Variants in FRMD4A observed in about 807,000 individuals in gnomAD.
FRMD4A encodes the protein FERM domain containing 4A.
Under a neutral mutation model 129.1 loss-of-function variants are expected in FRMD4A, and 29 were observed. The observed-to-expected ratio is 0.22, with a 90% CI of 0.17 to 0.31. FRMD4A has a LOEUF of 0.31. Ranked by LOEUF, FRMD4A falls within the 10% of genes least tolerant of loss-of-function variation. The probability of loss-of-function intolerance (pLI) is 1.00; values close to 1 mark genes in which losing one functional copy is unlikely to be tolerated. For missense variants in FRMD4A, 1,272 were observed against 1,375.8 expected, an observed-to-expected ratio of 0.92 and a Z score of 1.19; for synonymous variants, 634 against 571.6, an observed-to-expected ratio of 1.11 and a Z score of -1.56.
chr10:13,704,337 G>A (rs1000200165), intron 13 of FRMD4A, among the ~76,000 whole-genome samples: 1 of 152,118 alleles, frequency 6.6e-6, no homozygotes, highest in Non-Finnish European at 1.5e-5. Context: ...ATTCCTGCCT[G>A]TCTGCAGGCT....
intron 2 of FRMD4A, among the ~76,000 whole-genome samples, chr10:14,086,056 C>G (rs1241580791): frequency 6.6e-6 from 1 of 152,096 alleles, no homozygotes; most frequent in Non-Finnish European, 1.5e-5. Flanking sequence ...TACTTCCACC[C>G]TAGATATGTA....
intron 2 of FRMD4A, among the ~76,000 whole-genome samples, chr10:13,920,547 C>A (rs151208220): frequency 6.6e-6 from 1 of 152,184 alleles, no homozygotes; most frequent in Non-Finnish European, 1.5e-5. Flanking sequence ...CAAATTTGGG[C>A]ATTGTGTTTT....
At chr10:13,699,767 C>G (rs895603711) in intron 14 of FRMD4A, among the ~76,000 whole-genome samples, 4 of 152,108 alleles carry the variant, frequency 2.6e-5, no homozygotes, top group Non-Finnish European at 5.9e-5. Context: ...AACTGTTGCC[C>G]CTGGACAGCA....
chr10:13,983,297 C>T (rs2095568763), intron 2 of FRMD4A, among the ~76,000 whole-genome samples: 1 of 152,142 alleles, frequency 6.6e-6, no homozygotes, highest in Non-Finnish European at 1.5e-5. Context: ...AAGCAAAGTT[C>T]ATCCTCCCCT....
At chr10:13,979,051 C>A (rs1031864903) in intron 2 of FRMD4A, among the ~76,000 whole-genome samples, 2 of 152,200 alleles carry the variant, frequency 1.3e-5, no homozygotes, top group Non-Finnish European at 2.9e-5. Flanking sequence ...TTAAATCAGT[C>A]CAGGCCATGA....
intron 2 of FRMD4A, among the ~76,000 whole-genome samples, chr10:14,307,319 G>C (rs1846386344): frequency 6.6e-6 from 1 of 152,174 alleles, no homozygotes; most frequent in South Asian, 2.1e-4. Flanking sequence ...GCCAATCAGG[G>C]AGAATGTCCA....
At chr10:14,286,499 G>T (rs1845685343) in intron 2 of FRMD4A, among the ~76,000 whole-genome samples, 1 of 152,032 alleles carries the variant, frequency 6.6e-6, no homozygotes, top group Non-Finnish European at 1.5e-5. Context: ...AATGTGCCAG[G>T]AAAATCAAAA....
intron 2 of FRMD4A, among the ~76,000 whole-genome samples, chr10:13,907,025 C>T (rs2094889423): frequency 6.6e-6 from 1 of 152,162 alleles, no homozygotes; most frequent in South Asian, 2.1e-4. Flanking sequence ...CATAGGTCAA[C>T]TTCTGGTTCC....
At chr10:13,648,537 G>A (rs543268075) in intron 24 of FRMD4A, 2 of 152,290 alleles carry the variant, frequency 1.3e-5, no homozygotes, top group Admixed American at 1.3e-4. Flanking sequence ...GCCAATGAGA[G>A]TCCCCCGATC....
At position 13,925,566 on chromosome 10, in the gene FRMD4A, C is replaced by CTTTTTTTTTTTTTTTTTTTTTT. The variant is rs66980805; in HGVS notation, c.46-66676_46-66655dup. On this transcript the variant is annotated intron_variant, in intron 2 of 24. Coordinates refer to ENST00000357447, the MANE Select transcript of FRMD4A (RefSeq NM_018027.5). ...TGAAAGTTTCTATTGTAGTGAAACG[C>CTTTTTTTTTTTTTTTTTTTTTT]TTTTTTTTTTTTTTTTTTTTTTTTT... Among the ~76,000 whole-genome samples, 14 of 61,948 alleles carry CTTTTTTTTTTTTTTTTTTTTTT rather than the reference C, an allele frequency of 2.3e-4. 4 individuals are homozygous for CTTTTTTTTTTTTTTTTTTTTTT. Among genetic ancestry groups the CTTTTTTTTTTTTTTTTTTTTTT allele is most frequent in the Non-Finnish European group, 2.9e-4 (11 of 37,614 alleles). 40.6% of individuals were successfully genotyped at this position (61,948 alleles called of 152,430 possible).
chr10:13,671,002 A>C (rs759544352), intron 16 of FRMD4A, among the ~76,000 whole-genome samples: 40 of 152,330 alleles, frequency 2.6e-4, no homozygotes, highest in Middle Eastern at 3.4e-3. Context: ...AGTTTCCTTC[A>C]AATGGATTTT....
intron 3 of FRMD4A, among the ~76,000 whole-genome samples, chr10:13,844,262 T>A (rs955326933): frequency 3.3e-5 from 5 of 152,170 alleles, no homozygotes; most frequent in Non-Finnish European, 7.3e-5. Context: ...GGTTTATATG[T>A]TAAACCAATG....
chr10:13,886,202 A>G (rs1334725841), intron 2 of FRMD4A, among the ~76,000 whole-genome samples: 1 of 147,510 alleles, frequency 6.8e-6, no homozygotes, highest in African/African-American at 2.5e-5. Context: ...TGCATTATCA[A>G]TCTAATTCCC....
chr10:13,822,062 T>C (rs934200307), intron 3 of FRMD4A, among the ~76,000 whole-genome samples: 5 of 152,128 alleles, frequency 3.3e-5, no homozygotes, highest in East Asian at 1.9e-4. Flanking sequence ...TATATATATA[T>C]ACATACACAC....
intron 2 of FRMD4A, among the ~76,000 whole-genome samples, chr10:14,025,310 T>A (rs986776478): frequency 5.3e-5 from 8 of 152,018 alleles, no homozygotes; most frequent in African/African-American, 1.7e-4. Flanking sequence ...TTTTTTTTTT[T>A]AACTTAAAAA....
intron 2 of FRMD4A, among the ~76,000 whole-genome samples, chr10:14,263,188 C>T (rs1257715616): frequency 2.0e-5 from 3 of 152,190 alleles, no homozygotes; most frequent in African/African-American, 7.2e-5. Flanking sequence ...CAAATGCCCA[C>T]TTTTAGGAGC....
chr10:13,867,805 A>C, intron 2 of FRMD4A, among the ~76,000 whole-genome samples: 1 of 136,144 alleles, frequency 7.3e-6, no homozygotes, highest in East Asian at 2.0e-4. Context: ...AATATATAAT[A>C]AATAATACAT....
intron 2 of FRMD4A, among the ~76,000 whole-genome samples, chr10:14,139,786 G>A (rs1839743036): frequency 6.6e-6 from 1 of 152,084 alleles, no homozygotes; most frequent in Non-Finnish European, 1.5e-5. Context: ...TTACTCTTGG[G>A]CTTCCGGGAC....
chr10:13,676,434 T>A (rs2084001937), intron 15 of FRMD4A, among the ~76,000 whole-genome samples: 1 of 151,122 alleles, frequency 6.6e-6, no homozygotes, highest in Non-Finnish European at 1.5e-5. Context: ...AGCTATTTTT[T>A]TTTTTTTTTT....
Sources: allele counts gnomAD v4.1 joint callset (sites outside exome capture counted in the v4.1 genomes callset), GRCh38; gene constraint gnomAD v4.1.1; transcripts MANE v1.5; gene names NCBI Gene and HGNC (gene_info 2026-07-23, HGNC 2026-07-21).